Variants in RSPH14 observed in about 807,000 individuals in gnomAD.
RSPH14 encodes the protein rhabdoid tumor deletion region gene 1.
RSPH14 carries 20 observed loss-of-function variants against 26.7 expected under a neutral mutation model. The ratio of observed to expected loss-of-function variants is 0.75; its 90% confidence interval spans 0.53 to 1.09. The LOEUF is 1.09. Ranked by LOEUF, RSPH14 falls within the 50% of genes least tolerant of loss-of-function variation. The pLI is 0.00. For synonymous variants in RSPH14, 177 were observed against 189.3 expected, an observed-to-expected ratio of 0.93 and a Z score of 0.53; for missense variants, 449 against 457.2, an observed-to-expected ratio of 0.98 and a Z score of 0.16.
intron 4 of RSPH14, among the ~76,000 whole-genome samples, chr22:23,097,983 T>C (rs2069176216): frequency 6.6e-6 from 1 of 152,258 alleles, no homozygotes; most frequent in Non-Finnish European, 1.5e-5. Context: ...GGAGGCAGGA[T>C]ACCTGGGTCC....
At chr22:23,156,907 T>C in the RSPH14 span, among the ~76,000 whole-genome samples, 1 of 152,150 alleles carries the variant, frequency 6.6e-6, no homozygotes, top group Non-Finnish European at 1.5e-5. Flanking sequence ...CCGTCATCCC[T>C]TTCCTCAGTT....
intron 4 of RSPH14, chr22:23,095,299 C>CA (rs1485003526): frequency 4.3e-6 from 1 of 234,472 alleles, no homozygotes; most frequent in African/African-American, 2.3e-5. Context: ...GCAGGGAGCA[C>CA]ACCAGCGACC....
chr22:23,070,280 T>A (rs1310346117), intron 4 of RSPH14: 2 of 145,916 alleles, frequency 1.4e-5, no homozygotes, highest in East Asian at 4.0e-4. Context: ...GCGGTTGGCC[T>A]GGCAACGGGC....
chr22:23,059,824 G>T, intron 6 of RSPH14, 106 bp from the exon 7 acceptor site: 1 of 1,236,686 alleles, frequency 8.1e-7, no homozygotes, highest in Non-Finnish European at 1.1e-6. Flanking sequence ...AGTCTCAAGG[G>T]GTTTATGCCT....
the RSPH14 span, among the ~76,000 whole-genome samples, chr22:23,155,406 T>C: frequency 0.043 from 6,572 of 152,276 alleles, 481 homozygotes; most frequent in African/African-American, 0.15. Context: ...TTGCTTCTAA[T>C]TTCTTCTCAC....
chr22:23,102,055 G>A (rs1013624835), intron 4 of RSPH14, among the ~76,000 whole-genome samples: 1 of 152,204 alleles, frequency 6.6e-6, no homozygotes, highest in Non-Finnish European at 1.5e-5. Context: ...TGGGCCACCC[G>A]TGGCCTAGAG....
intron 4 of RSPH14, among the ~76,000 whole-genome samples, chr22:23,117,239 G>A (rs1242179385): frequency 2.0e-5 from 2 of 100,822 alleles, no homozygotes; most frequent in South Asian, 2.6e-4. Flanking sequence ...GGCCTGATGG[G>A]GAATGAGAGG....
At chr22:23,146,700 C>T (rs374946011), upstream of RSPH14, 52 of 1,613,076 alleles carry the variant, frequency 3.2e-5, no homozygotes, top group South Asian at 2.6e-4. Context: ...AGAGTCATTA[C>T]GTCTGCAGTG....
At chr22:23,070,947 G>A (rs1478270705) in intron 4 of RSPH14, among the ~76,000 whole-genome samples, 1 of 151,838 alleles carries the variant, frequency 6.6e-6, no homozygotes, top group Non-Finnish European at 1.5e-5. Flanking sequence ...CGAGCTGCGG[G>A]AGCGGCGCTG....
At chr22:23,063,794 C>G in intron 5 of RSPH14, 108 bp downstream of exon 5, 1 of 976,450 alleles carries the variant, frequency 1.0e-6, no homozygotes, top group Non-Finnish European at 1.6e-6. Flanking sequence ...TGGGCACAAG[C>G]AGGCAAGGGG....
the RSPH14 span, chr22:23,161,644 C>A: frequency 1.6e-6 from 2 of 1,259,206 alleles, no homozygotes; most frequent in South Asian, 1.3e-5. Flanking sequence ...GAGACTGGAG[C>A]CCAAGCTCTG....
At chr22:23,086,765 C>A (rs2068831574) in intron 4 of RSPH14, among the ~76,000 whole-genome samples, 1 of 152,236 alleles carries the variant, frequency 6.6e-6, no homozygotes, top group African/African-American at 2.4e-5. Context: ...GGGGCTGCAG[C>A]ATCTGTGGAG....
At chr22:23,067,107 T>G (rs905891986) in intron 4 of RSPH14, among the ~76,000 whole-genome samples, 1 of 152,116 alleles carries the variant, frequency 6.6e-6, no homozygotes, top group Non-Finnish European at 1.5e-5. Flanking sequence ...CTGGCTGATA[T>G]GTAGGGGCTA....
chr22:23,158,119 C>T, the RSPH14 span: 1 of 1,589,034 alleles, frequency 6.3e-7, no homozygotes, highest in Non-Finnish European at 8.6e-7. Flanking sequence ...AGACCCTGGC[C>T]AGTGGACCCT....
At chr22:23,067,493 C>A (rs11913177) in intron 4 of RSPH14, among the ~76,000 whole-genome samples, 3,203 of 152,352 alleles carry the variant, frequency 0.021, 102 homozygotes, top group African/African-American at 0.072. Flanking sequence ...AGGTGACCCA[C>A]CTGTCCAGCT....
intron 6 of RSPH14, 56 bp from the exon 7 acceptor site, chr22:23,059,774 C>T (rs1233449609): frequency 8.1e-6 from 12 of 1,484,416 alleles, no homozygotes; most frequent in Non-Finnish European, 9.8e-6. Flanking sequence ...TCTTCTCACC[C>T]CCTCTCACCC....
intron 2 of RSPH14, among the ~76,000 whole-genome samples, chr22:23,139,855 G>A (rs1278137958): frequency 6.6e-6 from 1 of 152,048 alleles, no homozygotes; most frequent in Non-Finnish European, 1.5e-5. Flanking sequence ...GAGGCCAAGA[G>A]TTCAAGAACA....
the RSPH14 span, chr22:23,162,648 C>T: frequency 2.2e-6 from 1 of 456,364 alleles, no homozygotes; most frequent in South Asian, 1.5e-5. Context: ...TTTCTCACTG[C>T]TATGAACCAG....
At chr22:23,158,753 C>T in the RSPH14 span, 7 of 709,422 alleles carry the variant, frequency 9.9e-6, no homozygotes, top group Admixed American at 1.3e-4. Flanking sequence ...GTGCAGCATC[C>T]TGCTCAGCCA....
Sources: allele counts gnomAD v4.1 joint callset (sites outside exome capture counted in the v4.1 genomes callset), GRCh38; gene constraint gnomAD v4.1.1; transcripts MANE v1.5; gene names NCBI Gene and HGNC (gene_info 2026-07-23, HGNC 2026-07-21).